Variants in PCSK5 observed in about 807,000 individuals in gnomAD.
The protein encoded by PCSK5 is proprotein convertase subtilisin/kexin type 5, also known as prohormone convertase 5.
In PCSK5, 129 loss-of-function variants were observed where a neutral mutation model predicts 233.2. That is an observed-to-expected ratio of 0.55 (90% confidence interval 0.48 to 0.64). The LOEUF is 0.64. Among genes scored for constraint, PCSK5 ranks in the 30% least tolerant of loss-of-function variants. The pLI, the probability that PCSK5 is intolerant of heterozygous loss-of-function variation, is 0.00. For missense variants in PCSK5, 2,076 were observed against 2,430.1 expected, an observed-to-expected ratio of 0.85 and a Z score of 3.06; for synonymous variants, 825 against 879.2, an observed-to-expected ratio of 0.94 and a Z score of 1.09.
rs772067300 is a variant in PCSK5, at chr9:76,157,076, CGCAGAAGCCATGGTGATGGAG to C, written c.1350_1370del (p.Ala451_Glu457del). On this transcript the variant is annotated inframe_deletion, in exon 11 of 38. Coordinates refer to ENST00000674117, the MANE Select transcript of PCSK5 (RefSeq NM_001372043.1). ...ATCTTTATGGATTTGGACTGATGGA[CGCAGAAGCCATGGTGATGGAG>C]GCAGAGAAGTGGACCACCGTTCCCC... is the stretch of plus-strand genomic sequence containing the variant. The C allele has an allele frequency of 6.2e-7, 1 of 1,613,656 alleles. No individual in the cohort carries two copies. The highest frequency in any genetic ancestry group is 8.5e-7 in the Non-Finnish European group (1 of 1,179,794).
intron 12 of PCSK5, among the ~76,000 whole-genome samples, chr9:76,161,834 G>T (rs550025876): frequency 1.3e-5 from 2 of 152,228 alleles, no homozygotes; most frequent in Non-Finnish European, 2.9e-5. Context: ...AGAGTGCTGC[G>T]TGACTTGTGT....
chr9:76,227,314 C>T (rs532866157), intron 20 of PCSK5, among the ~76,000 whole-genome samples, 189 bp from the exon 21 acceptor site: 3 of 152,264 alleles, frequency 2.0e-5, no homozygotes, highest in South Asian at 4.1e-4. Flanking sequence ...CTGGAGCCCC[C>T]GGGAGAGGAG....
At chr9:76,273,564 A>AATATATATATATATATATAT (rs1336491411) in intron 24 of PCSK5, among the ~76,000 whole-genome samples, 226 of 74,688 alleles carry the variant, frequency 3.0e-3, no homozygotes, top group Middle Eastern at 7.2e-3. Context: ...ACAAAATAGT[A>AATATATATATATATATATAT]ATATATATAT....
At chr9:76,353,887 T>G (rs1423966268) in intron 36 of PCSK5, 146 bp from the exon 37 acceptor site, 1 of 635,046 alleles carries the variant, frequency 1.6e-6, no homozygotes, top group African/African-American at 1.8e-5. Flanking sequence ...CCCAACACAG[T>G]TAAAATGGGC....
At chr9:76,265,274 G>C (rs1827300179) in intron 24 of PCSK5, among the ~76,000 whole-genome samples, 2 of 151,916 alleles carry the variant, frequency 1.3e-5, no homozygotes, top group East Asian at 3.9e-4. Flanking sequence ...GGGAGGGAGG[G>C]GGAGGCGGGT....
chr9:76,313,553 C>T (rs1375744165), intron 30 of PCSK5, among the ~76,000 whole-genome samples: 2 of 152,092 alleles, frequency 1.3e-5, no homozygotes, highest in Non-Finnish European at 2.9e-5. Context: ...TTGAGCCAAG[C>T]ATGGTGGCCA....
intron 15 of PCSK5, 74 bp from the exon 16 acceptor site, chr9:76,181,324 C>T (rs1470788227): frequency 1.0e-5 from 13 of 1,293,588 alleles, no homozygotes; most frequent in Non-Finnish European, 1.4e-5. Flanking sequence ...GCCATTTGCT[C>T]AGCACCTCCA....
intron 1 of PCSK5, among the ~76,000 whole-genome samples, chr9:75,911,388 TGTGAG>T (rs1822732152): frequency 6.6e-6 from 1 of 152,046 alleles, no homozygotes; most frequent in Admixed American, 6.6e-5. Flanking sequence ...TTCTTTCACT[TGTGAG>T]TTTTCCCTTT....
At chr9:76,008,472 T>A (rs1289299385) in intron 3 of PCSK5, among the ~76,000 whole-genome samples, 3 of 151,954 alleles carry the variant, frequency 2.0e-5, no homozygotes, top group Non-Finnish European at 4.4e-5. Context: ...TTTTGCCTTT[T>A]TTTTTTTGAG....
intron 11 of PCSK5, among the ~76,000 whole-genome samples, chr9:76,158,194 A>G (rs1822688607): frequency 6.6e-6 from 1 of 152,240 alleles, no homozygotes; most frequent in South Asian, 2.1e-4. Flanking sequence ...TAATAAACAA[A>G]TGTTGGAAAT....
chr9:76,314,741 A>G (rs1482519381), intron 30 of PCSK5, among the ~76,000 whole-genome samples: 1 of 152,060 alleles, frequency 6.6e-6, no homozygotes, highest in African/African-American at 2.4e-5. Flanking sequence ...GGTTCAAGCA[A>G]TCATCCTGCC....
chr9:76,223,665 G>T (rs1020064027), intron 20 of PCSK5, among the ~76,000 whole-genome samples: 5 of 152,214 alleles, frequency 3.3e-5, no homozygotes, highest in African/African-American at 1.2e-4. Flanking sequence ...GGAGAAAGAT[G>T]ATCTGGAAAT....
rs188260551 is a variant in PCSK5 at position 75,951,480 on chromosome 9, G to A, written c.297+18997G>A. On this transcript the variant is annotated intron_variant, in intron 2 of 37. Coordinates refer to ENST00000674117, the MANE Select transcript of PCSK5 (RefSeq NM_001372043.1). Reference sequence around the variant, plus strand: ...TTGAGCAAACTGTGTAAAGAAACATGAACAGTTCTGCAGTTGTGGTATGAT... The same window carrying A: ...TTGAGCAAACTGTGTAAAGAAACATAAACAGTTCTGCAGTTGTGGTATGAT... Among the ~76,000 whole-genome samples, 22 of 152,294 alleles carry A rather than the reference G, an allele frequency of 1.4e-4. No individual in the cohort carries two copies. In the East Asian group the frequency reaches 4.2e-3, roughly 29 times the overall value.
chr9:76,256,206 C>T (rs540752517), intron 24 of PCSK5, among the ~76,000 whole-genome samples: 1 of 152,352 alleles, frequency 6.6e-6, no homozygotes, highest in Non-Finnish European at 1.5e-5. Flanking sequence ...GGCGAGGTAT[C>T]TTAAGTTCAA....
chr9:76,203,206 A>G (rs1824984265), intron 20 of PCSK5, among the ~76,000 whole-genome samples: 1 of 152,060 alleles, frequency 6.6e-6, no homozygotes, highest in Non-Finnish European at 1.5e-5. Context: ...CCTAAAACAC[A>G]TGCAAAACCA....
chr9:76,353,959 G>A (rs1830231780), intron 36 of PCSK5, 74 bp from the exon 37 acceptor site: 4 of 1,044,042 alleles, frequency 3.8e-6, no homozygotes, highest in Non-Finnish European at 5.6e-6. Flanking sequence ...GACAAGATGA[G>A]ATACAATCTG....
chr9:76,080,612 G>A (rs572846843), intron 7 of PCSK5, among the ~76,000 whole-genome samples: 2 of 152,274 alleles, frequency 1.3e-5, no homozygotes, highest in African/African-American at 4.8e-5. Context: ...GTAGTATGGT[G>A]GTTAAAGTAC....
intron 5 of PCSK5, among the ~76,000 whole-genome samples, chr9:76,054,265 T>G (rs1037528491): frequency 1.3e-5 from 2 of 152,174 alleles, no homozygotes; most frequent in Non-Finnish European, 2.9e-5. Context: ...CACCCTGCCT[T>G]GGGTTTTTAC....
intron 35 of PCSK5, among the ~76,000 whole-genome samples, chr9:76,349,020 C>T (rs1830047994): frequency 6.6e-6 from 1 of 151,742 alleles, no homozygotes; most frequent in Admixed American, 6.6e-5. Flanking sequence ...GCCTGTAATC[C>T]CAGCACTTTG....
Sources: allele counts gnomAD v4.1 joint callset (sites outside exome capture counted in the v4.1 genomes callset), GRCh38; gene constraint gnomAD v4.1.1; transcripts MANE v1.5; gene names NCBI Gene and HGNC (gene_info 2026-07-23, HGNC 2026-07-21).